Variants in TRIP4 observed in about 807,000 individuals in gnomAD.
TRIP4 encodes activating signal cointegrator 1.
In TRIP4, 54 loss-of-function variants were observed where a neutral mutation model predicts 81.8. That is an observed-to-expected ratio of 0.66 (90% CI 0.53 to 0.83). TRIP4 has a LOEUF of 0.83. Ranked by LOEUF, TRIP4 falls within the 40% of genes least tolerant of loss-of-function variation. The probability of loss-of-function intolerance (pLI) is 0.00; values close to 1 mark genes in which losing one functional copy is unlikely to be tolerated. For missense variants in TRIP4, 662 were observed against 683.6 expected, an observed-to-expected ratio of 0.97 and a Z score of 0.35; for synonymous variants, 270 against 242.8, an observed-to-expected ratio of 1.11 and a Z score of -1.04.
At chr15:64,437,322 G>A (rs1892423822) in intron 11 of TRIP4, among the ~76,000 whole-genome samples, 1 of 151,366 alleles carries the variant, frequency 6.6e-6, no homozygotes, top group African/African-American at 2.4e-5. Context: ...GGAGGCTGAG[G>A]CAGGAGAATC....
intron 6 of TRIP4, 26 bp from the exon 7 acceptor site, chr15:64,409,587 A>C (rs772522513): frequency 1.2e-6 from 2 of 1,604,440 alleles, no homozygotes; most frequent in Non-Finnish European, 8.5e-7. Context: ...AGATGACCTA[A>C]TTACCATGTG....
At chr15:64,436,201 A>G (rs1027028285) in intron 11 of TRIP4, among the ~76,000 whole-genome samples, 18 of 151,110 alleles carry the variant, frequency 1.2e-4, no homozygotes, top group African/African-American at 4.1e-4. Flanking sequence ...AGGCTGAGGC[A>G]GGAGAATCCC....
chr15:64,424,243 T>C, intron 10 of TRIP4, 88 bp downstream of exon 10: 1 of 1,557,818 alleles, frequency 6.4e-7, no homozygotes, highest in Non-Finnish European at 8.7e-7. Context: ...TTTCTTTGGC[T>C]TTTTCTTTGT....
At chr15:64,398,185 G>A (rs2140283956) in intron 4 of TRIP4, among the ~76,000 whole-genome samples, 1 of 152,228 alleles carries the variant, frequency 6.6e-6, no homozygotes, top group East Asian at 1.9e-4. Flanking sequence ...ACAGGCGTCA[G>A]CCACCGTGCC....
chr15:64,393,816 T>C (rs1900205620), intron 1 of TRIP4, 130 bp from the exon 2 acceptor site: 3 of 772,310 alleles, frequency 3.9e-6, no homozygotes, highest in Admixed American at 3.8e-5. Context: ...GCACCTAGCA[T>C]AGTACTTGGC....
At chr15:64,435,545 T>G (rs1318105006) in intron 11 of TRIP4, among the ~76,000 whole-genome samples, 1 of 144,442 alleles carries the variant, frequency 6.9e-6, no homozygotes, top group Non-Finnish European at 1.5e-5. Context: ...AAAAAAAATA[T>G]TATTATTGCT....
chr15:64,424,269 A>G, intron 10 of TRIP4, 114 bp downstream of exon 10: 7 of 1,433,068 alleles, frequency 4.9e-6, no homozygotes, highest in Non-Finnish European at 6.6e-6. Context: ...GAGACTTTTA[A>G]TCTTTGTATA....
intron 1 of TRIP4, among the ~76,000 whole-genome samples, chr15:64,389,582 AG>A (rs1335748921): frequency 6.6e-6 from 1 of 152,230 alleles, no homozygotes; most frequent in Non-Finnish European, 1.5e-5. Context: ...GAACGCAGTC[AG>A]ATTAAGTATT....
chr15:64,420,164 C>T (rs568072327), intron 9 of TRIP4, among the ~76,000 whole-genome samples: 64 of 149,984 alleles, frequency 4.3e-4, no homozygotes, highest in African/African-American at 1.5e-3. Flanking sequence ...TCTTGTTTCC[C>T]AGGCTGGAGT....
chr15:64,395,739 C>CTTT (rs5813297), intron 3 of TRIP4, among the ~76,000 whole-genome samples: 1 of 136,688 alleles, frequency 7.3e-6, no homozygotes, highest in Admixed American at 7.5e-5. Context: ...GACATCTTTG[C>CTTT]TTTTTTTTTT....
intron 2 of TRIP4, 21 bp from the exon 3 acceptor site, chr15:64,395,377 T>C: frequency 6.3e-7 from 1 of 1,594,932 alleles, no homozygotes; most frequent in Non-Finnish European, 8.5e-7. Context: ...TGTGTGTATT[T>C]TTTTTTTTCT....
At chr15:64,449,747 C>T (rs1407695737) in intron 12 of TRIP4, among the ~76,000 whole-genome samples, 2 of 152,086 alleles carry the variant, frequency 1.3e-5, no homozygotes, top group African/African-American at 4.8e-5. Context: ...TATCACCTGG[C>T]TCTGTGTCTG....
intron 12 of TRIP4, among the ~76,000 whole-genome samples, chr15:64,452,875 C>T (rs1892802103): frequency 6.6e-6 from 1 of 152,052 alleles, no homozygotes; most frequent in Non-Finnish European, 1.5e-5. Flanking sequence ...GCTAGGAAGT[C>T]TTAGGATTAA....
At chr15:64,421,589 A>T (rs1892014702) in intron 9 of TRIP4, among the ~76,000 whole-genome samples, 1 of 151,660 alleles carries the variant, frequency 6.6e-6, no homozygotes, top group Admixed American at 6.6e-5. Context: ...ACCCGCCTCC[A>T]CTTCCCAAAG....
At chr15:64,425,300 T>C (rs1400010864) in intron 10 of TRIP4, among the ~76,000 whole-genome samples, 1 of 152,154 alleles carries the variant, frequency 6.6e-6, no homozygotes, top group Non-Finnish European at 1.5e-5. Context: ...TTTGATGGTA[T>C]GAGGGCAAAG....
chr15:64,394,690 A>G (rs1247009118), intron 2 of TRIP4, among the ~76,000 whole-genome samples: 2 of 152,050 alleles, frequency 1.3e-5, no homozygotes, highest in African/African-American at 4.8e-5. Context: ...TGAAAAATTT[A>G]TACATAAAGA....
chr15:64,393,858 G>A (rs1048297020), intron 1 of TRIP4, 88 bp from the exon 2 acceptor site: 2 of 1,284,598 alleles, frequency 1.6e-6, no homozygotes, highest in African/African-American at 3.1e-5. Flanking sequence ...ATTAATGAAT[G>A]GTTTTTACTA....
At chr15:64,418,933 TATA>T (rs779921574) in intron 9 of TRIP4, among the ~76,000 whole-genome samples, 7 of 152,092 alleles carry the variant, frequency 4.6e-5, no homozygotes, top group Non-Finnish European at 7.4e-5. Context: ...AATTGACAAA[TATA>T]GTAGTAGTTT....
chr15:64,439,307 TTTCC>T (rs1318700789), intron 11 of TRIP4, among the ~76,000 whole-genome samples: 1 of 152,062 alleles, frequency 6.6e-6, no homozygotes, highest in Non-Finnish European at 1.5e-5. Context: ...ATCAGACTCA[TTTCC>T]TTCTCTCTTT....
Sources: gnomAD v4.1 joint callset for allele counts (sites outside exome capture counted in the v4.1 genomes callset) on GRCh38, gnomAD v4.1.1 for gene constraint, MANE v1.5 for transcripts, NCBI Gene and HGNC (gene_info 2026-07-23, HGNC 2026-07-21) for gene names.